Variants in GPA33 observed in about 807,000 individuals in gnomAD.
GPA33 encodes the protein cell surface A33 antigen.
In GPA33, 27 loss-of-function variants were observed where a neutral mutation model predicts 35.6. The observed-to-expected ratio is 0.76, with a 90% CI of 0.56 to 1.04. GPA33 has a LOEUF of 1.04. GPA33 is among the 50% of genes least tolerant of loss of function. GPA33 has a pLI of 0.00. For missense variants in GPA33, 428 were observed against 411.9 expected (o/e 1.04, Z -0.34); for synonymous variants, 176 against 164.0 (o/e 1.07, Z -0.56).
chr1:167,069,006 C>CA lies in GPA33; in HGVS notation c.330dup (p.Asp111Ter), dbSNP rs1558007297. The CA allele has an allele frequency of 6.2e-7, 1 of 1,614,102 alleles. No individual in the cohort carries two copies. The highest frequency in any genetic ancestry group is 1.1e-5 in the South Asian group (1 of 91,076). On this transcript the variant is annotated frameshift_variant, in exon 3 of 7. Coordinates refer to ENST00000367868, the MANE Select transcript of GPA33 (RefSeq NM_005814.3). LOFTEE classifies it high-confidence loss of function. ...ACAGAACACTCGTAGGTGCCGTTGT[C>CA]AGCCATGGTCAGCTGATCAATGGTG...
intron 1 of GPA33, among the ~76,000 whole-genome samples, chr1:167,089,532 T>C (rs998550491): frequency 1.3e-5 from 2 of 152,228 alleles, no homozygotes; most frequent in African/African-American, 4.8e-5. Context: ...GGTACCTTAA[T>C]GCCAAGACTT....
At chr1:167,088,488 G>A (rs12040921) in intron 1 of GPA33, among the ~76,000 whole-genome samples, 62,610 of 152,056 alleles carry the variant, frequency 0.41, 13,276 homozygotes, top group Middle Eastern at 0.46. Flanking sequence ...TGGTGGGCAC[G>A]TGATTCTGTG....
At chr1:167,090,157 G>A in intron 1 of GPA33, 88 bp downstream of exon 1, 3 of 1,018,912 alleles carry the variant, frequency 2.9e-6, no homozygotes, top group Non-Finnish European at 4.7e-6. Flanking sequence ...GCCCTTCCTG[G>A]GAAGGCTCTG....
At chr1:167,081,887 G>A (rs941376874) in intron 1 of GPA33, among the ~76,000 whole-genome samples, 1 of 152,192 alleles carries the variant, frequency 6.6e-6, no homozygotes, top group African/African-American at 2.4e-5. Flanking sequence ...TCCTAATAAG[G>A]CCTTGTTGAT....
intron 2 of GPA33, among the ~76,000 whole-genome samples, chr1:167,071,726 C>T (rs536310085): frequency 6.6e-6 from 1 of 152,310 alleles, no homozygotes; most frequent in Non-Finnish European, 1.5e-5. Context: ...CACTAACCCT[C>T]CTCCCATCAA....
In GPA33 at chr1:167,067,217, G is replaced by A. The variant is rs573043834; in HGVS notation, c.415+1705C>T. Among the ~76,000 whole-genome samples, 17 of 152,084 alleles carry A rather than the reference G, an allele frequency of 1.1e-4. No homozygotes were observed. In the South Asian group the frequency reaches 3.3e-3, roughly 30 times the overall value. ...TCTGTCACCCAGGTGGGAGAGCAGCGGCTCGATCACGGCTCATTGCAGCCT... is the reference window on the plus strand; with the variant it reads ...TCTGTCACCCAGGTGGGAGAGCAGCAGCTCGATCACGGCTCATTGCAGCCT... On this transcript the variant is annotated intron_variant, in intron 3 of 6. Transcript: ENST00000367868.
chr1:167,077,499 T>C (rs866311961), intron 1 of GPA33, among the ~76,000 whole-genome samples: 7 of 152,180 alleles, frequency 4.6e-5, no homozygotes, highest in Admixed American at 3.3e-4. Context: ...GATTCTGTTC[T>C]TGTCTATCAC....
chr1:167,054,240 G>A lies in GPA33; in HGVS notation c.*94C>T, dbSNP rs1487245037. On this transcript the variant is annotated 3_prime_UTR_variant, in exon 7 of 7. Transcript: ENST00000367868. The stretch of plus-strand genomic sequence containing the variant: ...TCCCCATCAATGTCTGGGATGGAGG[G>A]ACAGGAGAACAGGGCTTAGAAAGGA... 2 of 1,469,376 alleles carry A rather than the reference G, an allele frequency of 1.4e-6. No homozygotes were observed. The highest frequency in any genetic ancestry group is 1.9e-6 in the Non-Finnish European group (2 of 1,070,880). The allele number at this position is 1,469,376 out of a possible 1,614,324, so 91.0% of individuals were successfully genotyped here.
chr1:167,053,968 G>C lies in GPA33; in HGVS notation c.*366C>G. The C allele has an allele frequency of 4.0e-6, 1 of 247,924 alleles. No homozygotes were observed. The highest frequency in any genetic ancestry group is 6.7e-5 in the South Asian group (1 of 14,958). The allele number at this position is 247,924 out of a possible 1,614,324, so 15.4% of individuals were successfully genotyped here. A position where few individuals can be genotyped will look rare whatever the true frequency, so the allele number is the denominator to read the frequency against. ...AGCAGGACAGCCCCCACCCCCCAAG[G>C]CTGGCATCGCCTCCCTGGAGAGTTC... On this transcript the variant is annotated 3_prime_UTR_variant, in exon 7 of 7. Transcript: ENST00000367868.
intron 4 of GPA33, 125 bp downstream of exon 4, chr1:167,063,457 T>A (rs1666510620): frequency 1.4e-6 from 1 of 739,284 alleles, no homozygotes; most frequent in Non-Finnish European, 2.2e-6. Context: ...GGGATAGGGA[T>A]GGGTAGGGAA....
At chr1:167,079,642 A>T (rs144370328) in intron 1 of GPA33, among the ~76,000 whole-genome samples, 44 of 152,360 alleles carry the variant, frequency 2.9e-4, no homozygotes, top group African/African-American at 1.0e-3. Context: ...ACGAGAAGTT[A>T]TTCCGTGTTT....
intron 3 of GPA33, among the ~76,000 whole-genome samples, chr1:167,068,549 T>C (rs1039673796): frequency 2.6e-5 from 4 of 152,196 alleles, no homozygotes; most frequent in African/African-American, 2.4e-5. Flanking sequence ...AGAATCATGA[T>C]GTGGCCCCCT....
At chr1:167,061,550 C>T (rs1571306077) in intron 4 of GPA33, among the ~76,000 whole-genome samples, 3 of 149,706 alleles carry the variant, frequency 2.0e-5, no homozygotes, top group African/African-American at 7.4e-5. Context: ...ATTACATTGA[C>T]CTATTTTAAG....
chr1:167,056,709 A>G (rs1363203922), intron 4 of GPA33, among the ~76,000 whole-genome samples: 184 of 4,412 alleles, frequency 0.042, no homozygotes, highest in Admixed American at 0.046. Flanking sequence ...TGGTGTGTGT[A>G]GTGTGTGTGT....
chr1:167,083,965 G>A (rs1198784463), intron 1 of GPA33, among the ~76,000 whole-genome samples: 1 of 152,090 alleles, frequency 6.6e-6, no homozygotes, highest in Non-Finnish European at 1.5e-5. Flanking sequence ...AGTAGTTGAG[G>A]ACAAATCCTG....
At chr1:167,056,717 T>TA (rs1666288622) in intron 4 of GPA33, among the ~76,000 whole-genome samples, 3 of 3,742 alleles carry the variant, frequency 8.0e-4, no homozygotes, top group Non-Finnish European at 1.9e-3. Context: ...GTAGTGTGTG[T>TA]GTAGTGTGTG....
chr1:167,071,358 T>G (rs1489875138), intron 2 of GPA33, among the ~76,000 whole-genome samples: 1 of 152,164 alleles, frequency 6.6e-6, no homozygotes, highest in African/African-American at 2.4e-5. Flanking sequence ...CTGTAGAGCA[T>G]TAGGTATAGA....
intron 6 of GPA33, 107 bp from the exon 7 acceptor site, chr1:167,054,573 C>T (rs1666192247): frequency 1.5e-6 from 2 of 1,368,588 alleles, no homozygotes; most frequent in East Asian, 2.3e-5. Flanking sequence ...GACCTCCTCC[C>T]CACCCACCAG....
rs189390075 is a variant in GPA33, at chr1:167,080,603, T to C, written c.44-7064A>G. Among the ~76,000 whole-genome samples the C allele has an allele frequency of 1.8e-4, 27 of 152,366 alleles. No homozygotes were observed. In the East Asian group the frequency reaches 5.0e-3, roughly 28 times the overall value. On this transcript the variant is annotated intron_variant, in intron 1 of 6. Transcript: ENST00000367868. The stretch of plus-strand genomic sequence containing the variant: ...TCCTAACTGTGTAACCTTAGGCAAC[T>C]GAATTAACTTCTCTGGGCTTCAGTT...
Sources: gnomAD v4.1 joint callset for allele counts (sites outside exome capture counted in the v4.1 genomes callset) on GRCh38, gnomAD v4.1.1 for gene constraint, MANE v1.5 for transcripts, NCBI Gene and HGNC (gene_info 2026-07-23, HGNC 2026-07-21) for gene names.